The following BNC2 variants were observed in gnomAD, a reference collection of about 807,000 sequenced individuals.
BNC2 encodes the protein zinc finger protein basonuclin-2.
Under a neutral mutation model 76.3 loss-of-function variants are expected in BNC2, and 20 were observed. The ratio of observed to expected loss-of-function variants is 0.26; its 90% CI spans 0.18 to 0.38. The LOEUF (loss-of-function observed/expected upper bound fraction) is 0.38, where lower values mean the gene tolerates loss of function less well. Among genes scored for constraint, BNC2 ranks in the 10% least tolerant of loss-of-function variants. The probability of loss-of-function intolerance (pLI) is 1.00; values close to 1 mark genes in which losing one functional copy is unlikely to be tolerated. For missense variants in BNC2, 1,382 were observed against 1,399.8 expected (o/e 0.99, Z 0.20); for synonymous variants, 582 against 514.8 (o/e 1.13, Z -1.77).
intron 1 of BNC2, among the ~76,000 whole-genome samples, chr9:16,772,118 G>A (rs557078231): frequency 1.2e-3 from 180 of 152,160 alleles, no homozygotes; most frequent in Non-Finnish European, 2.1e-3. Context: ...TTTATTTCTT[G>A]AAGAGTCTGT....
At chr9:16,797,211 A>G (rs773665403) in intron 1 of BNC2, among the ~76,000 whole-genome samples, 14 of 152,174 alleles carry the variant, frequency 9.2e-5, no homozygotes, top group Non-Finnish European at 1.9e-4. Flanking sequence ...ATCCCCAAAA[A>G]GTAACAAGCA....
At chr9:16,624,112 A>G (rs1337038808) in intron 3 of BNC2, among the ~76,000 whole-genome samples, 1 of 152,208 alleles carries the variant, frequency 6.6e-6, no homozygotes, top group Admixed American at 6.5e-5. Context: ...CTTCACAGCA[A>G]GGAGCTTCCA....
intron 1 of BNC2, among the ~76,000 whole-genome samples, chr9:16,856,455 T>C (rs755167138): frequency 6.6e-6 from 1 of 152,218 alleles, no homozygotes; most frequent in Non-Finnish European, 1.5e-5. Context: ...TTTATTTTTT[T>C]AGAGACAGGA....
intron 5 of BNC2, among the ~76,000 whole-genome samples, chr9:16,457,755 A>G (rs756216849): frequency 1.3e-5 from 2 of 152,204 alleles, no homozygotes; most frequent in African/African-American, 4.8e-5. Context: ...TCATCAGGTG[A>G]GGAAATGGTG....
At chr9:16,714,934 T>C (rs888282265) in intron 3 of BNC2, among the ~76,000 whole-genome samples, 42 of 152,234 alleles carry the variant, frequency 2.8e-4, no homozygotes, top group African/African-American at 1.0e-3. Flanking sequence ...CCTCATCTTA[T>C]ACAATATAAA....
intron 3 of BNC2, among the ~76,000 whole-genome samples, chr9:16,666,072 T>C (rs2134124358): frequency 6.6e-6 from 1 of 152,340 alleles, no homozygotes; most frequent in South Asian, 2.1e-4. Context: ...TAATAACTAC[T>C]TCATTGACAA....
chr9:16,631,118 T>C (rs1394898307), intron 3 of BNC2, among the ~76,000 whole-genome samples: 1 of 152,152 alleles, frequency 6.6e-6, no homozygotes, highest in East Asian at 1.9e-4. Flanking sequence ...GTGTGTGTTC[T>C]CTATAAAATC....
rs985369860 is a variant in BNC2, at chr9:16,692,205, C to A, written c.330+35592G>T. ...ACATTATTTTGGAAATTGAACACCA[C>A]AGGTTGTTGCTTATGGGCAAATACA... On this transcript the variant is annotated intron_variant, in intron 3 of 6. Transcript: ENST00000380672. Among the ~76,000 whole-genome samples the A allele has an allele frequency of 1.3e-5, 2 of 152,220 alleles. 1 individual carries two copies. The highest frequency in any genetic ancestry group is 3.9e-4 in the East Asian group (2 of 5,190).
At chr9:16,780,108 T>A (rs375029671) in intron 1 of BNC2, among the ~76,000 whole-genome samples, 1 of 149,178 alleles carries the variant, frequency 6.7e-6, no homozygotes, top group Non-Finnish European at 1.5e-5. Flanking sequence ...CGGTGGCGGG[T>A]GCCTGTAGTC....
chr9:16,440,435 T>G (rs753636237), intron 5 of BNC2, among the ~76,000 whole-genome samples: 5 of 152,206 alleles, frequency 3.3e-5, no homozygotes, highest in African/African-American at 4.8e-5. Flanking sequence ...GAGTGTTCTT[T>G]TACAGAGCCT....
intron 3 of BNC2, among the ~76,000 whole-genome samples, chr9:16,677,382 A>G (rs1822676219): frequency 6.6e-6 from 1 of 152,104 alleles, no homozygotes; most frequent in East Asian, 1.9e-4. Context: ...AGACCAGCCC[A>G]GCCAACATGG....
intron 3 of BNC2, among the ~76,000 whole-genome samples, chr9:16,653,184 T>G (rs188767889): frequency 6.6e-6 from 1 of 152,132 alleles, no homozygotes; most frequent in African/African-American, 2.4e-5. Context: ...TATGGACAAA[T>G]GGGTCTGTGT....
At chr9:16,801,249 T>C (rs1048545819) in intron 1 of BNC2, among the ~76,000 whole-genome samples, 1 of 152,154 alleles carries the variant, frequency 6.6e-6, no homozygotes. Context: ...TCATCACCTT[T>C]ATTTTTATTT....
At chr9:16,515,590 G>A (rs140709175) in intron 5 of BNC2, among the ~76,000 whole-genome samples, 4 of 151,914 alleles carry the variant, frequency 2.6e-5, no homozygotes, top group Non-Finnish European at 5.9e-5. Context: ...TGTCTGGAAC[G>A]TCTGTCTCTA....
rs1442515694 is a variant in BNC2 at position 16,456,796 on chromosome 9, T to A, written c.670-19272A>T. Reference sequence around the variant, plus strand: ...GGGAAAGACATATTCTAGATAAATATCCAAGAAGTGGGACAGTGGTGGAAT... The same window carrying A: ...GGGAAAGACATATTCTAGATAAATAACCAAGAAGTGGGACAGTGGTGGAAT... On this transcript the variant is annotated intron_variant, in intron 5 of 6. Transcript: ENST00000380672. Among the ~76,000 whole-genome samples the A allele has an allele frequency of 2.0e-5, 3 of 151,832 alleles. No individual in the cohort carries two copies. The East Asian group carries it at 5.8e-4, about 29-fold the overall frequency.
chr9:16,768,928 T>A (rs951796543), intron 1 of BNC2, among the ~76,000 whole-genome samples: 1 of 151,540 alleles, frequency 6.6e-6, no homozygotes, highest in East Asian at 1.9e-4. Context: ...AACAGACAAA[T>A]GGCGCAGACA....
At chr9:16,695,250 T>C (rs1364619783) in intron 3 of BNC2, among the ~76,000 whole-genome samples, 1 of 152,190 alleles carries the variant, frequency 6.6e-6, no homozygotes. Flanking sequence ...CTTACGTAAT[T>C]GACTTACCCA....
chr9:16,697,395 C>A (rs1823370745), intron 3 of BNC2, among the ~76,000 whole-genome samples: 1 of 151,476 alleles, frequency 6.6e-6, no homozygotes, highest in African/African-American at 2.4e-5. Flanking sequence ...TCGTTCCTTG[C>A]CCAACAAGTT....
chr9:16,716,885 A>G (rs1386116567), intron 3 of BNC2, among the ~76,000 whole-genome samples: 9 of 152,224 alleles, frequency 5.9e-5, no homozygotes, highest in Non-Finnish European at 1.2e-4. Context: ...TTACTTCACA[A>G]TCGGACTTTA....
Sources: gnomAD v4.1 joint callset for allele counts (sites outside exome capture counted in the v4.1 genomes callset) on GRCh38, gnomAD v4.1.1 for gene constraint, MANE v1.5 for transcripts, NCBI Gene and HGNC (gene_info 2026-07-23, HGNC 2026-07-21) for gene names.